The following E2F3 variants were observed in gnomAD, a reference collection of about 807,000 sequenced individuals.
The protein encoded by E2F3 is E2F transcription factor 3, also known as transcription factor E2F3.
In E2F3, 11 loss-of-function variants were observed where a neutral mutation model predicts 44.4. That is an observed-to-expected ratio of 0.25 (90% CI 0.16 to 0.41). E2F3 has a LOEUF of 0.41. Among genes scored for constraint, E2F3 ranks in the 10% least tolerant of loss-of-function variants. E2F3 has a pLI of 1.00. For missense variants in E2F3, 487 were observed against 583.6 expected, an observed-to-expected ratio of 0.83 and a Z score of 1.70; for synonymous variants, 249 against 253.0, an observed-to-expected ratio of 0.98 and a Z score of 0.15.
chr6:20,464,272 C>A (rs1458762615), intron 1 of E2F3, among the ~76,000 whole-genome samples: 2 of 152,224 alleles, frequency 1.3e-5, no homozygotes, highest in Non-Finnish European at 2.9e-5. Flanking sequence ...ATCATAAACA[C>A]AGCAGCTCTT....
intron 1 of E2F3, among the ~76,000 whole-genome samples, chr6:20,474,096 G>GT (rs1361650181): frequency 5.7e-4 from 12 of 21,186 alleles, no homozygotes; most frequent in African/African-American, 1.4e-3. Flanking sequence ...GGGGTTTTGT[G>GT]GTTTTTTTTC....
rs1333395317 is a variant in E2F3 at position 20,402,896 on chromosome 6, C to T, written c.393+271C>T. Among the ~76,000 whole-genome samples the T allele has an allele frequency of 6.6e-6, 1 of 152,186 alleles. No homozygotes were observed. The highest frequency in any genetic ancestry group is 1.5e-5 in the Non-Finnish European group (1 of 68,036). On this transcript the variant is annotated intron_variant, in intron 1 of 6. Coordinates refer to ENST00000346618, the MANE Select transcript of E2F3 (RefSeq NM_001949.5). The surrounding 1 kb of genome is among the most constrained non-coding windows in gnomAD (Gnocchi z 5.6). Reference sequence around the variant, plus strand: ...ACTCCAAAACTTTTCGCGGCCCCCCCTTCTTTTCCTGCACTTTTCCCTACC... The same window carrying T: ...ACTCCAAAACTTTTCGCGGCCCCCCTTTCTTTTCCTGCACTTTTCCCTACC...
chr6:20,432,792 G>T (rs982602299), intron 1 of E2F3, among the ~76,000 whole-genome samples: 1 of 152,162 alleles, frequency 6.6e-6, no homozygotes, highest in African/African-American at 2.4e-5. Flanking sequence ...CCAGGGTGTG[G>T]TATGGCCAGG....
At chr6:20,486,587 T>G in intron 4 of E2F3, 102 bp from the exon 5 acceptor site, 1 of 707,948 alleles carries the variant, frequency 1.4e-6, no homozygotes, top group African/African-American at 1.8e-5. Flanking sequence ...TGCATACTTC[T>G]AAGTCATAAA....
At chr6:20,465,760 A>G (rs573077793) in intron 1 of E2F3, among the ~76,000 whole-genome samples, 5 of 152,220 alleles carry the variant, frequency 3.3e-5, no homozygotes, top group Non-Finnish European at 5.9e-5. Flanking sequence ...TCATCCAGGT[A>G]GCTGCAAATG....
At chr6:20,431,851 A>G (rs1312718343) in intron 1 of E2F3, among the ~76,000 whole-genome samples, 1 of 152,210 alleles carries the variant, frequency 6.6e-6, no homozygotes, top group African/African-American at 2.4e-5. Flanking sequence ...GGTGGCTTCA[A>G]CAGCAGAAAT....
Position 20,434,916 on chromosome 6 carries a change from T to C in E2F3, c.393+32291T>C, listed in dbSNP as rs140643799. Reference sequence around the variant, plus strand: ...GGCAGATGGAGAGGGGTGGGGAGCCTAGAGGGTGACTGGCTGCAGGCCTCA... The same window carrying C: ...GGCAGATGGAGAGGGGTGGGGAGCCCAGAGGGTGACTGGCTGCAGGCCTCA... On this transcript the variant is annotated intron_variant, in intron 1 of 6. Transcript: ENST00000346618. Among the ~76,000 whole-genome samples, 32 of 152,174 alleles carry C rather than the reference T, an allele frequency of 2.1e-4. No homozygotes were observed. The East Asian group carries it at 4.8e-3, about 23-fold the overall frequency.
At chr6:20,406,363 T>C (rs1232213174) in intron 1 of E2F3, among the ~76,000 whole-genome samples, 1 of 152,240 alleles carries the variant, frequency 6.6e-6, no homozygotes, top group Non-Finnish European at 1.5e-5. Context: ...ATGTGAACTA[T>C]TTAGCACAGT....
At position 20,482,817 on chromosome 6, in the gene E2F3, A is replaced by T; in HGVS notation, c.781A>T (p.Lys261Ter). ...GMLAQCQGLSKEVTELSQEEK... is the reference protein window; with the variant it reads ...GMLAQCQGLS ...GCTGGCCCAGTGTCAAGGCCTGTCA[A>T]AAGAAGTGACCGAGCTCAGTCAGGA... The change falls in exon 4 of 7, where the codon AAA (lysine) becomes TAA (stop). Residue 261 changes from lysine (K) to a stop codon, truncating the protein, a stop_gained. Transcript: ENST00000346618. LOFTEE classifies it high-confidence loss of function. The T allele has an allele frequency of 6.2e-7, 1 of 1,613,468 alleles. No individual in the cohort carries two copies. Among genetic ancestry groups the T allele is most frequent in the Non-Finnish European group, 8.5e-7 (1 of 1,179,736 alleles).
intron 1 of E2F3, among the ~76,000 whole-genome samples, chr6:20,461,733 T>C (rs1188602236): frequency 2.0e-5 from 3 of 152,262 alleles, no homozygotes; most frequent in Non-Finnish European, 2.9e-5. Flanking sequence ...TTGATAACTA[T>C]AGCCTGGTGC....
At chr6:20,447,157 C>T (rs181145167) in intron 1 of E2F3, among the ~76,000 whole-genome samples, 323 of 152,210 alleles carry the variant, frequency 2.1e-3, no homozygotes, top group Non-Finnish European at 1.3e-3. Context: ...GGGACGTCCA[C>T]GTTTGTCCTG....
At chr6:20,481,761 C>T (rs1762232244) in intron 3 of E2F3, among the ~76,000 whole-genome samples, 1 of 152,050 alleles carries the variant, frequency 6.6e-6, no homozygotes, top group African/African-American at 2.4e-5. Flanking sequence ...GTGTATCTGA[C>T]AGATGTGTAC....
chr6:20,471,348 C>T (rs7745741), intron 1 of E2F3, among the ~76,000 whole-genome samples: 6 of 152,166 alleles, frequency 3.9e-5, no homozygotes, highest in Non-Finnish European at 5.9e-5. Flanking sequence ...TTTGGGAGGC[C>T]GAAGCGGGTG....
intron 1 of E2F3, chr6:20,403,715 C>G: frequency 9.5e-7 from 1 of 1,048,662 alleles, no homozygotes; most frequent in Non-Finnish European, 1.3e-6. Context: ...ACCCCCCCAC[C>G]GGCGCCCGCC....
intron 1 of E2F3, among the ~76,000 whole-genome samples, chr6:20,435,607 TG>T (rs1323088554): frequency 6.6e-6 from 1 of 152,014 alleles, no homozygotes; most frequent in Admixed American, 6.6e-5. Context: ...AAACATTAGC[TG>T]GGTGTGGTGG....
At chr6:20,403,856 G>T in intron 1 of E2F3, 1 of 1,378,914 alleles carries the variant, frequency 7.3e-7, no homozygotes. Flanking sequence ...ACGGCTCGGG[G>T]GCCGCCGACG....
At chr6:20,425,105 T>C (rs777712979) in intron 1 of E2F3, among the ~76,000 whole-genome samples, 2 of 152,206 alleles carry the variant, frequency 1.3e-5, no homozygotes, top group Non-Finnish European at 2.9e-5. Flanking sequence ...GATTTATCCA[T>C]TGGGGCAGCA....
At chr6:20,410,983 G>A (rs1759652657) in intron 1 of E2F3, among the ~76,000 whole-genome samples, 1 of 152,138 alleles carries the variant, frequency 6.6e-6, no homozygotes, top group Admixed American at 6.5e-5. Context: ...CTCTAAAAAT[G>A]GTGATGATGG....
chr6:20,402,396 G>A lies in E2F3; in HGVS notation c.164G>A (p.Gly55Asp). 1 of 1,610,670 alleles carries A rather than the reference G, an allele frequency of 6.2e-7. No individual in the cohort carries two copies. The highest frequency in any genetic ancestry group is 1.1e-5 in the South Asian group (1 of 91,030). ...AAAAAAAAAP[G>D]AYIQILTTNT... ...GCCGCCGCCGCTGCCGCCGCCCCGG[G>A]CGCGTACATCCAGATCCTCACCACG... Residue 55 changes from glycine (G) to aspartate (D), a missense_variant, in exon 1 of 7, where the codon GGC becomes GAC. By Grantham distance (94) the Gly-to-Asp change is moderately conservative. Transcript: ENST00000346618. This position sits in a 1 kb window ranked among gnomAD's most constrained non-coding sequence, Gnocchi z 5.6.
Sources: allele counts gnomAD v4.1 joint callset (sites outside exome capture counted in the v4.1 genomes callset), GRCh38; gene constraint gnomAD v4.1.1; non-coding constraint Gnocchi (gnomAD v3.1); transcripts MANE v1.5; gene names NCBI Gene and HGNC (gene_info 2026-07-23, HGNC 2026-07-21).